GDAP1: variants seen among roughly 807,000 people sequenced by gnomAD.
The protein encoded by GDAP1 is ganglioside induced differentiation associated protein 1.
Under a neutral mutation model 40.1 loss-of-function variants are expected in GDAP1, and 34 were observed. The observed-to-expected ratio is 0.85, with a 90% CI of 0.64 to 1.13. GDAP1 has a LOEUF of 1.13. Among genes scored for constraint, GDAP1 ranks in the 50% most tolerant of loss-of-function variants. GDAP1 has a pLI of 0.00. For missense variants in GDAP1, 374 were observed against 433.7 expected, an observed-to-expected ratio of 0.86 and a Z score of 1.22; for synonymous variants, 170 against 157.4, an observed-to-expected ratio of 1.08 and a Z score of -0.60.
At chr8:74,353,528 A>G (rs962300769) in intron 2 of GDAP1, among the ~76,000 whole-genome samples, 3 of 152,228 alleles carry the variant, frequency 2.0e-5, no homozygotes, top group African/African-American at 4.8e-5. Context: ...TATAATTAAG[A>G]TGCTTTATCT....
At chr8:74,475,882 G>A (rs1185569883) in intron 2 of GDAP1, among the ~76,000 whole-genome samples, 1 of 152,144 alleles carries the variant, frequency 6.6e-6, no homozygotes, top group Non-Finnish European at 1.5e-5. Context: ...TCAATGGGGT[G>A]TTGAATTCTC....
At chr8:74,486,510 C>T (rs1356590442) in intron 2 of GDAP1, among the ~76,000 whole-genome samples, 2 of 152,152 alleles carry the variant, frequency 1.3e-5, no homozygotes, top group African/African-American at 2.4e-5. Context: ...AACCAGCTGA[C>T]GCTGGAATTT....
chr8:74,448,234 C>A (rs908855007), intron 2 of GDAP1, among the ~76,000 whole-genome samples: 8 of 126,216 alleles, frequency 6.3e-5, no homozygotes, highest in Non-Finnish European at 1.2e-4. Flanking sequence ...ATGAATTTCA[C>A]TAAACAGATA....
chr8:74,389,069 G>A (rs969774155), intron 2 of GDAP1, among the ~76,000 whole-genome samples: 2 of 151,868 alleles, frequency 1.3e-5, no homozygotes, highest in Admixed American at 6.6e-5. Flanking sequence ...GAGCCTATTT[G>A]TGTCTTTTCT....
rs1370116280 is a variant in GDAP1 at position 74,365,470 on chromosome 8, G to C, written c.*1103G>C. 2.2e-6 allele frequency: 1 copy of C among 453,692 alleles called. No individual in the cohort carries two copies. 28.1% of individuals were successfully genotyped at this position (453,692 alleles called of 1,614,324 possible). ...TCGGTGTGTCCCATGAATAACCTTG[G>C]AACTGCAACAAATGGTTTGTGCTCA... On this transcript the variant is annotated 3_prime_UTR_variant, in exon 6 of 6. Transcript: ENST00000220822.
intron 2 of GDAP1, among the ~76,000 whole-genome samples, chr8:74,386,387 A>G (rs1425895647): frequency 6.6e-6 from 1 of 152,208 alleles, no homozygotes. Flanking sequence ...GATGGGGTCC[A>G]GTTTCAGCTT....
intron 2 of GDAP1, among the ~76,000 whole-genome samples, chr8:74,472,649 A>C (rs1467645840): frequency 2.0e-5 from 3 of 151,550 alleles, no homozygotes; most frequent in African/African-American, 7.3e-5. Flanking sequence ...GTGAGATGGT[A>C]TCTCATTGTG....
chr8:74,426,128 T>A (rs1014819397), intron 2 of GDAP1, among the ~76,000 whole-genome samples: 2 of 152,374 alleles, frequency 1.3e-5, no homozygotes, highest in Admixed American at 6.5e-5. Context: ...TTACTGACTA[T>A]ACATATTTTT....
At chr8:74,446,703 A>G (rs1183511063) in intron 2 of GDAP1, among the ~76,000 whole-genome samples, 2 of 152,238 alleles carry the variant, frequency 1.3e-5, no homozygotes, top group Non-Finnish European at 1.5e-5. Flanking sequence ...TGGTAAATTC[A>G]TACAATGAAA....
rs191533963 is a variant in GDAP1, at chr8:74,374,802, G to T, written c.165+23481G>T. Among the ~76,000 whole-genome samples, 616 of 151,766 alleles carry T rather than the reference G, an allele frequency of 4.1e-3. 3 individuals are homozygous for T. The highest frequency in any genetic ancestry group is 0.014 in the African/African-American group (567 of 41,366). ...CTCAAAAGTGACCCAATAAGAAATG[G>T]GAATTTGGAATAGCCATATATCCAC... On this transcript the variant is annotated intron_variant, in intron 2 of 2. Coordinates refer to the GDAP1 transcript ENST00000523640.
Position 74,479,953 on chromosome 8 carries a change from GGTGATCCCTGA to G in GDAP1, c.166-8720_166-8710del, listed in dbSNP as rs1198983848. On this transcript the variant is annotated intron_variant, in intron 2 of 2. Coordinates refer to the GDAP1 transcript ENST00000523640. ...TAGCTAGGCTATTCCCAGTTCCCAT[GGTGATCCCTGA>G]GTGAGTGAAGAAATGGACTCTCTTT... Among the ~76,000 whole-genome samples the G allele has an allele frequency of 4.6e-5, 7 of 151,184 alleles. No homozygotes were observed. In the South Asian group the frequency reaches 1.5e-3, roughly 32 times the overall value.
chr8:74,465,776 A>C (rs539596623), intron 2 of GDAP1, among the ~76,000 whole-genome samples: 1 of 104,398 alleles, frequency 9.6e-6, no homozygotes, highest in Non-Finnish European at 2.1e-5. Context: ...AATCACACCA[A>C]GTTTTTTTTT....
At chr8:74,411,212 A>G (rs1805705344) in intron 2 of GDAP1, among the ~76,000 whole-genome samples, 1 of 149,984 alleles carries the variant, frequency 6.7e-6, no homozygotes, top group Non-Finnish European at 1.5e-5. Flanking sequence ...TCCTTTATAA[A>G]TTGCCCAGTC....
chr8:74,371,475 A>G (rs960935556), downstream of GDAP1, among the ~76,000 whole-genome samples: 13 of 151,960 alleles, frequency 8.6e-5, no homozygotes, highest in Non-Finnish European at 1.9e-4. Context: ...TCTGGCTAAC[A>G]CGGTGAAACC....
At chr8:74,399,202 T>TCAAAGA (rs1563458044) in intron 2 of GDAP1, among the ~76,000 whole-genome samples, 9 of 150,274 alleles carry the variant, frequency 6.0e-5, no homozygotes, top group African/African-American at 2.0e-4. Context: ...GTTGGTAAGC[T>TCAAAGA]ATTGATTATT....
chr8:74,399,421 C>T (rs1174691058), intron 2 of GDAP1, among the ~76,000 whole-genome samples: 2 of 149,500 alleles, frequency 1.3e-5, no homozygotes, highest in African/African-American at 2.6e-5. Context: ...TTTATTGTGT[C>T]TATTTGATTC....
At chr8:74,472,406 A>G (rs2128720721) in intron 2 of GDAP1, among the ~76,000 whole-genome samples, 1 of 152,312 alleles carries the variant, frequency 6.6e-6, no homozygotes, top group Middle Eastern at 3.4e-3. Flanking sequence ...ATAGGGATGC[A>G]TGTGTCTTTA....
chr8:74,423,626 G>A (rs1264969564), intron 2 of GDAP1, among the ~76,000 whole-genome samples: 1 of 151,816 alleles, frequency 6.6e-6, no homozygotes, highest in African/African-American at 2.4e-5. Flanking sequence ...TATTATCATG[G>A]ATGCAAACGT....
chr8:74,389,895 A>G (rs941677661), intron 2 of GDAP1, among the ~76,000 whole-genome samples: 7 of 151,878 alleles, frequency 4.6e-5, no homozygotes, highest in Non-Finnish European at 1.0e-4. Context: ...TTTTTCTCTA[A>G]TCTTGTCTTC....
Sources: allele counts gnomAD v4.1 joint callset (sites outside exome capture counted in the v4.1 genomes callset), GRCh38; gene constraint gnomAD v4.1.1; transcripts MANE v1.5; gene names NCBI Gene and HGNC (gene_info 2026-07-23, HGNC 2026-07-21).